ZNF510: variants seen among roughly 807,000 people sequenced by gnomAD.
The protein encoded by ZNF510 is zinc finger protein 510.
Under a neutral mutation model 18.1 loss-of-function variants are expected in ZNF510, and 15 were observed. The ratio of observed to expected loss-of-function variants is 0.83; its 90% CI spans 0.55 to 1.28. ZNF510 has a LOEUF of 1.28. Among genes scored for constraint, ZNF510 ranks in the 50% most tolerant of loss-of-function variants. ZNF510 has a pLI of 0.00. For missense variants in ZNF510, 724 were observed against 791.8 expected (o/e 0.91, Z 1.03); for synonymous variants, 261 against 266.4 (o/e 0.98, Z 0.20).
chr9:96,763,253 T>C, intron 4 of ZNF510, 40 bp from the exon 5 acceptor site: 1 of 1,598,922 alleles, frequency 6.3e-7, no homozygotes, highest in South Asian at 1.1e-5. Flanking sequence ...ACCAGATATA[T>C]GAGATTTTAG....
rs780027779 is a variant in ZNF510 at position 96,754,774 on chromosome 9, G to A, written c.*4004C>T. Among the ~76,000 whole-genome samples the A allele has an allele frequency of 9.2e-5, 14 of 152,166 alleles. No individual in the cohort carries two copies. Among genetic ancestry groups the A allele is most frequent in the Non-Finnish European group, 1.9e-4 (13 of 68,018 alleles). ...ATGCTCAGATTTCAGTTTGATAACT[G>A]TACCTTCAGCAAGTATTTCTGAGTG... is the stretch of plus-strand genomic sequence containing the variant. On this transcript the variant is annotated 3_prime_UTR_variant, in exon 6 of 6. Coordinates refer to ENST00000223428, the MANE Select transcript of ZNF510 (RefSeq NM_014930.3).
intron 2 of ZNF510, 60 bp from the exon 3 acceptor site, chr9:96,774,906 A>G (rs1849658424): frequency 2.1e-6 from 3 of 1,440,376 alleles, no homozygotes; most frequent in Admixed American, 1.7e-5. Context: ...CTGCCTACCA[A>G]TGTCATCACA....
intron 3 of ZNF510, among the ~76,000 whole-genome samples, chr9:96,768,834 C>T (rs1026766182): frequency 2.6e-5 from 4 of 151,932 alleles, no homozygotes; most frequent in African/African-American, 9.7e-5. Context: ...AAATGTTGAA[C>T]CTACAATTTA....
At chr9:96,777,008 G>A (rs886891448) in intron 1 of ZNF510, among the ~76,000 whole-genome samples, 5 of 152,154 alleles carry the variant, frequency 3.3e-5, no homozygotes, top group Admixed American at 1.3e-4. Flanking sequence ...GAAAACCACA[G>A]TATGTTCTTA....
intron 3 of ZNF510, among the ~76,000 whole-genome samples, chr9:96,764,695 G>A (rs1849430023): frequency 6.6e-6 from 1 of 152,036 alleles, no homozygotes; most frequent in Non-Finnish European, 1.5e-5. Context: ...TATATATATA[G>A]GGATTATGGA....
chr9:96,756,043 C>CT lies in ZNF510; in HGVS notation c.*2734dup. On this transcript the variant is annotated 3_prime_UTR_variant, in exon 6 of 6. Transcript: ENST00000223428. ...TGTCGGCAGCTTGATTCCAGTCAGT[C>CT]TTATCAGAAAATAGTCTCTTATTAT... 2.0e-5 allele frequency: 3 copies of CT among 152,206 alleles called. No individual in the cohort carries two copies. In the South Asian group the frequency reaches 6.2e-4, roughly 32 times the overall value. 9.4% of individuals were successfully genotyped at this position (152,206 alleles called of 1,614,324 possible).
At chr9:96,761,346 T>C (rs1849343052) in intron 5 of ZNF510, among the ~76,000 whole-genome samples, 1 of 152,222 alleles carries the variant, frequency 6.6e-6, no homozygotes, top group African/African-American at 2.4e-5. Context: ...GGATTCTTTA[T>C]GCATTCTAAA....
At chr9:96,774,231 G>T (rs1277497718) in intron 3 of ZNF510, among the ~76,000 whole-genome samples, 1 of 152,092 alleles carries the variant, frequency 6.6e-6, no homozygotes, top group Non-Finnish European at 1.5e-5. Context: ...GATCAACAGA[G>T]CCTACACCAT....
intron 3 of ZNF510, among the ~76,000 whole-genome samples, chr9:96,767,701 T>C (rs1849505791): frequency 1.3e-5 from 2 of 152,094 alleles, no homozygotes; most frequent in Non-Finnish European, 2.9e-5. Context: ...CCGAACAGAC[T>C]GATATAAGAC....
In ZNF510 at chr9:96,759,202, GT is replaced by G; in HGVS notation, c.1627del (p.Thr543LeufsTer128). On this transcript the variant is annotated frameshift_variant, in exon 6 of 6. Coordinates refer to ENST00000223428, the MANE Select transcript of ZNF510 (RefSeq NM_014930.3). LOFTEE classifies it low-confidence loss of function (END_TRUNC). ...IHQRTHTGEK[T>X]YQCNECEKSF... ...TTTTTCACATTCATTACACTGGTAA[GT>G]TTTCTCCCCAGTGTGAGTTCTCTGA... 6.2e-7 allele frequency: 1 copy of G among 1,614,028 alleles called. No homozygotes were observed. The highest frequency in any genetic ancestry group is 8.5e-7 in the Non-Finnish European group (1 of 1,179,990).
In ZNF510 at chr9:96,760,195, A is replaced by G; in HGVS notation, c.635T>C (p.Phe212Ser). 6.2e-7 allele frequency: 1 copy of G among 1,613,172 alleles called. No homozygotes were observed. The highest frequency in any genetic ancestry group is 1.7e-5 in the Admixed American group (1 of 59,894). ...CTGAGTTTTCTCAAAGTTAATTTTG[A>G]AAGGTGAATTCTCACATACATTACC... ...GCGNVCENSP[F>S]KINFEKTQTG... Residue 212 changes from phenylalanine to serine, a missense_variant, in exon 6 of 6, where the codon TTC (phenylalanine) becomes TCC (serine). Phe to Ser is a radical substitution (Grantham distance 155). Coordinates refer to ENST00000223428, the MANE Select transcript of ZNF510 (RefSeq NM_014930.3).
chr9:96,766,496 G>GT (rs1446507487), intron 3 of ZNF510, among the ~76,000 whole-genome samples: 4 of 151,938 alleles, frequency 2.6e-5, no homozygotes. Flanking sequence ...AACAGAGACT[G>GT]TATCTCTCAC....
chr9:96,767,058 T>C (rs1401251194), intron 3 of ZNF510, among the ~76,000 whole-genome samples: 1 of 152,182 alleles, frequency 6.6e-6, no homozygotes, highest in Non-Finnish European at 1.5e-5. Context: ...CTGGGCATGG[T>C]GGTTCACGCC....
chr9:96,760,723 A>T (rs1401350155), intron 5 of ZNF510, among the ~76,000 whole-genome samples: 2 of 149,980 alleles, frequency 1.3e-5, no homozygotes, highest in African/African-American at 5.1e-5. Context: ...AGATTTTCCT[A>T]ACTGGATAGA....
chr9:96,757,257 T>C lies in ZNF510; in HGVS notation c.*1521A>G, dbSNP rs558144966. The stretch of plus-strand genomic sequence containing the variant: ...CCTTAAAGCAGATATAGCTGGGGTA[T>C]ATGGAGGTGTCAGGAGGTGTGGGGG... On this transcript the variant is annotated 3_prime_UTR_variant, in exon 6 of 6. Transcript: ENST00000223428. 19 of 152,266 alleles carry C rather than the reference T, an allele frequency of 1.2e-4. No individual in the cohort carries two copies. In the East Asian group the frequency reaches 3.5e-3, roughly 28 times the overall value. The allele number at this position is 152,266 out of a possible 1,614,324, so 9.4% of individuals were successfully genotyped here.
chr9:96,758,860 T>C lies in ZNF510; in HGVS notation c.1970A>G (p.Glu657Gly), dbSNP rs764944562. ...ACATAATTTCCCATATTCATTGCATTCATAAGATTTCTCCCCACTGTGAGT... is the reference window on the plus strand; with the variant it reads ...ACATAATTTCCCATATTCATTGCATCCATAAGATTTCTCCCCACTGTGAGT... ...QRTHSGEKSY[E>G]CNEYGKLCKK... The change falls in exon 6 of 6, where the codon GAA becomes GGA. Residue 657 changes from glutamate (E) to glycine (G), a missense_variant. Physicochemically the swap from Glu to Gly is moderately conservative, Grantham distance 98. Transcript: ENST00000223428. 6.2e-7 allele frequency: 1 copy of C among 1,614,036 alleles called. No individual in the cohort carries two copies. Among genetic ancestry groups the C allele is most frequent in the East Asian group, 2.2e-5 (1 of 44,874 alleles).
intron 3 of ZNF510, among the ~76,000 whole-genome samples, chr9:96,766,898 A>C (rs976214721): frequency 6.6e-6 from 1 of 152,176 alleles, no homozygotes; most frequent in African/African-American, 2.4e-5. Context: ...AACTCCATCT[A>C]ATACAATTAG....
intron 2 of ZNF510, among the ~76,000 whole-genome samples, chr9:96,775,203 G>A (rs1034336364): frequency 1.3e-5 from 2 of 151,884 alleles, no homozygotes; most frequent in African/African-American, 2.4e-5. Context: ...GGGACCAAAG[G>A]CACCCACCAC....
chr9:96,765,171 A>G (rs1203398584), intron 3 of ZNF510, among the ~76,000 whole-genome samples: 1 of 152,228 alleles, frequency 6.6e-6, no homozygotes. Context: ...ATGACAAAAC[A>G]GTCCTTTCAA....
Sources: allele counts gnomAD v4.1 joint callset (sites outside exome capture counted in the v4.1 genomes callset), GRCh38; gene constraint gnomAD v4.1.1; transcripts MANE v1.5; gene names NCBI Gene and HGNC (gene_info 2026-07-23, HGNC 2026-07-21).